Variants in PLEKHH1 observed in about 807,000 individuals in gnomAD.
PLEKHH1 encodes the protein pleckstrin homology domain-containing family H member 1.
Under a neutral mutation model 160.0 loss-of-function variants are expected in PLEKHH1, and 104 were observed. The observed-to-expected ratio is 0.65, with a 90% confidence interval of 0.55 to 0.76. The LOEUF (loss-of-function observed/expected upper bound fraction) is 0.76. PLEKHH1 is among the 30% of genes least tolerant of loss of function. PLEKHH1 has a pLI of 0.00. For missense variants in PLEKHH1, 1,427 were observed against 1,724.1 expected, an observed-to-expected ratio of 0.83 and a Z score of 3.05; for synonymous variants, 619 against 678.4, an observed-to-expected ratio of 0.91 and a Z score of 1.36.
At position 67,542,012 on chromosome 14, in the gene PLEKHH1, G is replaced by T. The variant is rs2033985761; in HGVS notation, c.126+19G>T. On this transcript the variant is annotated intron_variant, in intron 2 of 28. Transcript: ENST00000329153. ...TGACAAGGTGAGTCCCTCAGAGCAG[G>T]GAGCTGCCTCTCCACACGCAGAGGT... The T allele has an allele frequency of 6.3e-7, 1 of 1,581,764 alleles. No individual in the cohort carries two copies. The highest frequency in any genetic ancestry group is 1.4e-5 in the African/African-American group (1 of 73,658).
In PLEKHH1 at chr14:67,571,760, A is replaced by C; in HGVS notation, c.1443A>C (p.Thr481=). Residue 481 remains threonine (T), a synonymous_variant, in exon 10 of 29, where the codon ACA becomes ACC. Transcript: ENST00000329153. ...PVYTALKGRA[T]QISNMPFMDE... Reference sequence around the variant, plus strand: ...AGGGGCCTGTCTTGCAGAGAGCTACACAGATCAGCAACATGCCCTTTATGG... The same window carrying C: ...AGGGGCCTGTCTTGCAGAGAGCTACCCAGATCAGCAACATGCCCTTTATGG... The C allele has an allele frequency of 6.2e-7, 1 of 1,613,946 alleles. No individual in the cohort carries two copies. Among genetic ancestry groups the C allele is most frequent in the South Asian group, 1.1e-5 (1 of 91,080 alleles).
At chr14:67,558,959 G>A (rs918314018) in intron 4 of PLEKHH1, among the ~76,000 whole-genome samples, 2 of 152,264 alleles carry the variant, frequency 1.3e-5, no homozygotes, top group Non-Finnish European at 2.9e-5. Flanking sequence ...GTGGGGGCAA[G>A]CAGGTGGAGG....
chr14:67,561,910 C>A, intron 5 of PLEKHH1, 44 bp from the exon 6 acceptor site: 2 of 1,371,792 alleles, frequency 1.5e-6, no homozygotes, highest in South Asian at 1.2e-5. Flanking sequence ...ACATCTAAAC[C>A]TGTAGGCTGG....
In PLEKHH1 at chr14:67,577,351, A is replaced by C; in HGVS notation, c.2511A>C (p.Leu837=). The change falls in exon 18 of 29, where the codon CTA becomes CTC. Residue 837 remains leucine, a synonymous_variant. Coordinates refer to ENST00000329153, the MANE Select transcript of PLEKHH1 (RefSeq NM_020715.3). ...TGCTGTGCTACAGCAAAGACGGCCT[A>C]TACGCCTCCCTCACCACCCTGCCCT... is the stretch of plus-strand genomic sequence containing the variant. ...HPMLCYSKDG[L]YASLTTLPSE... 6.3e-7 allele frequency: 1 copy of C among 1,588,032 alleles called. No individual in the cohort carries two copies. The highest frequency in any genetic ancestry group is 8.6e-7 in the Non-Finnish European group (1 of 1,167,664).
At chr14:67,585,532 A>C in intron 26 of PLEKHH1, 36 bp from the exon 27 acceptor site, 1 of 1,353,988 alleles carries the variant, frequency 7.4e-7, no homozygotes, top group Non-Finnish European at 1.0e-6. Flanking sequence ...ATCTCTAACT[A>C]TGGATATATC....
rs1314939108 is a variant in PLEKHH1, at chr14:67,582,836, TCAAAA to T, written c.3426+641_3426+645del. Among the ~76,000 whole-genome samples, 1 of 152,140 alleles carries T rather than the reference TCAAAA, an allele frequency of 6.6e-6. No homozygotes were observed. Among genetic ancestry groups the T allele is most frequent in the Non-Finnish European group, 1.5e-5 (1 of 67,988 alleles). ...TAGGCGACAACAGCAAAACTCTGTC[TCAAAA>T]CAAAACAAAACAAACAAACAAACAA... On this transcript the variant is annotated intron_variant, in intron 24 of 28. Transcript: ENST00000329153. This position sits in a 1 kb window ranked among gnomAD's most constrained non-coding sequence, Gnocchi z 5.0.
chr14:67,559,300 G>T (rs954396487), intron 4 of PLEKHH1, among the ~76,000 whole-genome samples: 2 of 152,102 alleles, frequency 1.3e-5, no homozygotes, highest in African/African-American at 4.8e-5. Flanking sequence ...TCCCTCCCCA[G>T]TCCTTGATTT....
chr14:67,540,361 C>T (rs1317415244), intron 1 of PLEKHH1, among the ~76,000 whole-genome samples: 2 of 152,126 alleles, frequency 1.3e-5, no homozygotes, highest in East Asian at 3.9e-4. Context: ...TACAGTGGCT[C>T]ACACCTGTAA....
At chr14:67,581,083 A>G in intron 23 of PLEKHH1, 45 bp downstream of exon 23, 1 of 1,236,130 alleles carries the variant, frequency 8.1e-7, no homozygotes, top group Non-Finnish European at 1.2e-6. Flanking sequence ...AAGGGCTGCC[A>G]CTGGGTGCCA....
intron 22 of PLEKHH1, 45 bp downstream of exon 22, chr14:67,579,921 G>C (rs1259127379): frequency 6.5e-7 from 1 of 1,533,944 alleles, no homozygotes; most frequent in East Asian, 2.4e-5. Flanking sequence ...CCTGCTCAGG[G>C]ATATTGGTGG....
intron 10 of PLEKHH1, 45 bp from the exon 11 acceptor site, chr14:67,572,090 G>A (rs369612873): frequency 7.2e-5 from 114 of 1,578,666 alleles, no homozygotes; most frequent in Non-Finnish European, 8.0e-5. Context: ...TGCGTGAGTC[G>A]GGGAGGTGTG....
intron 2 of PLEKHH1, among the ~76,000 whole-genome samples, chr14:67,542,327 C>A (rs1185036837): frequency 2.0e-5 from 3 of 152,078 alleles, no homozygotes; most frequent in African/African-American, 7.2e-5. Context: ...GACGGTGTTT[C>A]GGGAGAAAAC....
intron 11 of PLEKHH1, 60 bp downstream of exon 11, chr14:67,572,337 C>T (rs2035428575): frequency 2.0e-6 from 3 of 1,477,296 alleles, no homozygotes; most frequent in Admixed American, 2.0e-5. Flanking sequence ...GCTGCTGGGG[C>T]CCTCAGCACA....
rs750089092 is a variant in PLEKHH1, at chr14:67,576,386, C to T, written c.2353-9C>T. The T allele has an allele frequency of 3.9e-6, 6 of 1,555,382 alleles. No homozygotes were observed. The East Asian group carries it at 6.7e-5, about 17-fold the overall frequency. On this transcript the variant is annotated splice_polypyrimidine_tract_variant and intron_variant, in intron 16 of 28. Transcript: ENST00000329153. This position sits in a 1 kb window ranked among gnomAD's most constrained non-coding sequence, Gnocchi z 4.0. The stretch of plus-strand genomic sequence containing the variant: ...CGTCCCCATCCGATGGCTTTCCGCC[C>T]TCTTCCAGGATACGTGGCTCTACCA...
Position 67,576,839 on chromosome 14 carries a change from A to T in PLEKHH1, c.2461+336A>T, listed in dbSNP as rs75464908. Among the ~76,000 whole-genome samples, 1,623 of 152,322 alleles carry T rather than the reference A, an allele frequency of 0.011. 36 individuals carry two copies. Among genetic ancestry groups the T allele is most frequent in the African/African-American group, 0.037 (1,528 of 41,560 alleles). On this transcript the variant is annotated intron_variant, in intron 17 of 28. Coordinates refer to ENST00000329153, the MANE Select transcript of PLEKHH1 (RefSeq NM_020715.3). This position sits in a 1 kb window ranked among gnomAD's most constrained non-coding sequence, Gnocchi z 4.0. ...CTATAGTTAGAGTTTGTAAATCAAC[A>T]AGTGAAGCCTAAATTGGGATCGGAC...
chr14:67,573,142 C>T lies in PLEKHH1; in HGVS notation c.1729-134C>T. On this transcript the variant is annotated intron_variant, in intron 11 of 28. Transcript: ENST00000329153. The surrounding 1 kb of genome is among the most constrained non-coding windows in gnomAD (Gnocchi z 4.8). ...CAGGGCATGGTACTCTGAAAATACACTGAGTAGGTACTCAATAATTTTGTA... is the reference window on the plus strand; with the variant it reads ...CAGGGCATGGTACTCTGAAAATACATTGAGTAGGTACTCAATAATTTTGTA... 1 of 620,866 alleles carries T rather than the reference C, an allele frequency of 1.6e-6. No individual in the cohort carries two copies. The highest frequency in any genetic ancestry group is 2.9e-6 in the Non-Finnish European group (1 of 344,050). The allele number at this position is 620,866 out of a possible 1,614,324, so 38.5% of individuals were successfully genotyped here. A position where few individuals can be genotyped will look rare whatever the true frequency, so the allele number is the denominator to read the frequency against.
Position 67,547,593 on chromosome 14 carries a change from G to A in PLEKHH1, c.126+5600G>A, listed in dbSNP as rs113020719. Among the ~76,000 whole-genome samples the A allele has an allele frequency of 2.4e-3, 360 of 152,226 alleles. 2 individuals are homozygous for A. The highest frequency in any genetic ancestry group is 3.6e-3 in the Admixed American group (55 of 15,292). On this transcript the variant is annotated intron_variant, in intron 2 of 28. Coordinates refer to ENST00000329153, the MANE Select transcript of PLEKHH1 (RefSeq NM_020715.3). ...TACCTCTCTACCCAGCTGGCCCTGG[G>A]ACATTACATGGGCTGATGACTGCAG...
chr14:67,583,131 AAG>A (rs1461232413), intron 24 of PLEKHH1, among the ~76,000 whole-genome samples: 8 of 152,350 alleles, frequency 5.3e-5, no homozygotes, highest in African/African-American at 1.9e-4. Flanking sequence ...ATTTTTAAAA[AAG>A]AATAAGAATC....
chr14:67,562,064 A>G, intron 6 of PLEKHH1, 29 bp downstream of exon 6: 1 of 1,610,578 alleles, frequency 6.2e-7, no homozygotes, highest in Non-Finnish European at 8.5e-7. Context: ...GCAGGTGTGC[A>G]GTACGTGTGT....
Sources: gnomAD v4.1 joint callset for allele counts (sites outside exome capture counted in the v4.1 genomes callset) on GRCh38, gnomAD v4.1.1 for gene constraint, Gnocchi (gnomAD v3.1) non-coding constraint, MANE v1.5 for transcripts, NCBI Gene and HGNC (gene_info 2026-07-23, HGNC 2026-07-21) for gene names.